AGBL1: variants seen among roughly 807,000 people sequenced by gnomAD.
The protein encoded by AGBL1 is cytosolic carboxypeptidase 4.
In AGBL1, 130 loss-of-function variants were observed where a neutral mutation model predicts 118.9. The ratio of observed to expected loss-of-function variants is 1.09; its 90% confidence interval spans 0.95 to 1.26. AGBL1 has a LOEUF of 1.26. Among genes scored for constraint, AGBL1 ranks in the 50% most tolerant of loss-of-function variants. The pLI is 0.00. For missense variants in AGBL1, 1,584 were observed against 1,298.1 expected (o/e 1.22, Z -3.38); for synonymous variants, 555 against 478.9 (o/e 1.16, Z -2.08).
intron 18 of AGBL1, among the ~76,000 whole-genome samples, chr15:86,459,508 T>A (rs191170974): frequency 1.3e-5 from 2 of 152,290 alleles, no homozygotes; most frequent in East Asian, 3.9e-4. Flanking sequence ...AATTTCATAA[T>A]TCATATTTAT....
At chr15:86,855,574 A>G (rs2079467109) in intron 22 of AGBL1, among the ~76,000 whole-genome samples, 1 of 152,256 alleles carries the variant, frequency 6.6e-6, no homozygotes, top group Non-Finnish European at 1.5e-5. Context: ...CACAATAAGA[A>G]GCAGGAACAG....
rs76292450 is a variant in AGBL1, at chr15:86,089,955, T to G, written c.51+9932T>G. ...GCAGAAGAGGTTAAGATGATAATAT[T>G]TGAAGAAAAATGGGCATTACAATTC... On this transcript the variant is annotated intron_variant, in intron 1 of 22. Transcript: ENST00000614907. Among the ~76,000 whole-genome samples the G allele has an allele frequency of 3.1e-3, 466 of 152,320 alleles. 16 individuals are homozygous for G. The South Asian group carries it at 0.066, about 22-fold the overall frequency.
intron 22 of AGBL1, among the ~76,000 whole-genome samples, chr15:86,752,582 C>G (rs577552983): frequency 2.6e-5 from 4 of 152,074 alleles, no homozygotes; most frequent in Non-Finnish European, 4.4e-5. Flanking sequence ...GAACTCAGCC[C>G]TGTTTCTGCT....
chr15:86,225,094 G>T, intron 6 of AGBL1, 143 bp downstream of exon 6: 1 of 846,828 alleles, frequency 1.2e-6, no homozygotes, highest in Non-Finnish European at 1.9e-6. Flanking sequence ...TCCTGACCTT[G>T]AAAGTGATAA....
rs546460083 is a variant in AGBL1, at chr15:86,562,107, C to A, written c.2994+7570C>A. Among the ~76,000 whole-genome samples the A allele has an allele frequency of 1.4e-3, 212 of 152,302 alleles. 6 individuals are homozygous for A. In the South Asian group the frequency reaches 0.043, roughly 31 times the overall value. On this transcript the variant is annotated intron_variant, in intron 21 of 22. Transcript: ENST00000614907. ...CAATTATGTCATCTGCAAACAGGGA[C>A]AATTTGACTTCCTTTTTTCCTAATG...
At chr15:86,288,487 T>C (rs1345276050) in intron 16 of AGBL1, among the ~76,000 whole-genome samples, 2 of 152,144 alleles carry the variant, frequency 1.3e-5, no homozygotes, top group East Asian at 3.9e-4. Flanking sequence ...TAAGAGGCTA[T>C]TTTCTATTCT....
At chr15:86,286,994 C>G (rs920078564) in intron 16 of AGBL1, among the ~76,000 whole-genome samples, 15 of 152,046 alleles carry the variant, frequency 9.9e-5, no homozygotes, top group African/African-American at 3.4e-4. Context: ...GTTCAGGGTT[C>G]CAGATCCTCA....
chr15:86,477,241 C>G (rs1329137276), intron 18 of AGBL1, among the ~76,000 whole-genome samples: 5 of 130,758 alleles, frequency 3.8e-5, no homozygotes, highest in Non-Finnish European at 6.5e-5. Flanking sequence ...CAGAGTAGAA[C>G]TGAAGGAGAT....
At chr15:86,296,167 A>G (rs1251930186) in intron 17 of AGBL1, 1 of 151,706 alleles carries the variant, frequency 6.6e-6, no homozygotes. Flanking sequence ...CCTGTTACGA[A>G]CTAGCTTTTG....
intron 18 of AGBL1, among the ~76,000 whole-genome samples, chr15:86,478,701 A>G (rs956466973): frequency 6.6e-6 from 1 of 152,180 alleles, no homozygotes; most frequent in Non-Finnish European, 1.5e-5. Flanking sequence ...CAAGCTACCA[A>G]TGACTTTCTT....
At chr15:86,302,343 A>AT (rs932451003) in intron 17 of AGBL1, among the ~76,000 whole-genome samples, 1 of 152,188 alleles carries the variant, frequency 6.6e-6, no homozygotes, top group East Asian at 1.9e-4. Context: ...TTTATGGATG[A>AT]TAAAAATTAG....
chr15:86,765,178 A>C (rs1250987713), intron 22 of AGBL1, among the ~76,000 whole-genome samples: 4 of 152,018 alleles, frequency 2.6e-5, no homozygotes, highest in Non-Finnish European at 5.9e-5. Flanking sequence ...GAAGCAGAGA[A>C]GCCCCTGACT....
intron 17 of AGBL1, among the ~76,000 whole-genome samples, chr15:86,358,475 T>C (rs940151617): frequency 7.2e-5 from 11 of 152,122 alleles, no homozygotes; most frequent in Non-Finnish European, 1.5e-4. Flanking sequence ...TTGTGAATTA[T>C]CTTGCAATAA....
At chr15:86,369,305 A>C (rs1940591433) in intron 17 of AGBL1, among the ~76,000 whole-genome samples, 1 of 152,234 alleles carries the variant, frequency 6.6e-6, no homozygotes, top group Non-Finnish European at 1.5e-5. Context: ...TTTAATGGGT[A>C]CTTAAAATAT....
intron 1 of AGBL1, among the ~76,000 whole-genome samples, chr15:86,113,192 C>A (rs560366534): frequency 4.8e-4 from 70 of 144,372 alleles, no homozygotes; most frequent in Middle Eastern, 7.6e-3. Flanking sequence ...TACCGTTCAC[C>A]TCTTTATTTT....
At chr15:86,502,139 G>A (rs957697508) in intron 18 of AGBL1, among the ~76,000 whole-genome samples, 3 of 151,444 alleles carry the variant, frequency 2.0e-5, no homozygotes, top group Non-Finnish European at 4.4e-5. Context: ...CTTTTGTGGT[G>A]TAAAAACCTT....
chr15:86,383,056 T>G (rs1203067175), intron 17 of AGBL1, among the ~76,000 whole-genome samples: 1 of 152,050 alleles, frequency 6.6e-6, no homozygotes, highest in Non-Finnish European at 1.5e-5. Flanking sequence ...TTCAGACTCT[T>G]ACATTTTCAC....
chr15:87,026,081 T>C (rs1020230845), intron 24 of AGBL1, among the ~76,000 whole-genome samples: 4 of 151,982 alleles, frequency 2.6e-5, no homozygotes, highest in Non-Finnish European at 5.9e-5. Flanking sequence ...AAAACCCTTA[T>C]AGACACTGGT....
intron 18 of AGBL1, among the ~76,000 whole-genome samples, chr15:86,488,207 A>G (rs551181213): frequency 7.9e-5 from 12 of 152,176 alleles, no homozygotes; most frequent in Admixed American, 2.0e-4. Flanking sequence ...GGCTAGACGT[A>G]TAGGTCTCTA....
Sources: allele counts gnomAD v4.1 joint callset (sites outside exome capture counted in the v4.1 genomes callset), GRCh38; gene constraint gnomAD v4.1.1; transcripts MANE v1.5; gene names NCBI Gene and HGNC (gene_info 2026-07-23, HGNC 2026-07-21).